The following RBFOX1 variants were observed in gnomAD, a reference collection of about 807,000 sequenced individuals.
RBFOX1 encodes the protein RNA binding protein fox-1 homolog 1.
In RBFOX1, 8 loss-of-function variants were observed where a neutral mutation model predicts 57.7. That is an observed-to-expected ratio of 0.14 (90% confidence interval 0.08 to 0.25). The LOEUF is 0.25. Among genes scored for constraint, RBFOX1 ranks in the 10% least tolerant of loss-of-function variants. The pLI is 1.00. For synonymous variants in RBFOX1, 326 were observed against 222.4 expected (o/e 1.47, Z -4.15); for missense variants, 611 against 548.5 (o/e 1.11, Z -1.14).
At chr16:5,483,268 A>C (rs768755015) in intron 2 of RBFOX1, among the ~76,000 whole-genome samples, 1 of 152,186 alleles carries the variant, frequency 6.6e-6, no homozygotes, top group Non-Finnish European at 1.5e-5. Context: ...GATGGCAGAC[A>C]TGTGGCACGT....
intron 4 of RBFOX1, among the ~76,000 whole-genome samples, chr16:7,190,119 G>C (rs2085003970): frequency 6.6e-6 from 1 of 152,178 alleles, no homozygotes; most frequent in African/African-American, 2.4e-5. Context: ...CCAGAACTTT[G>C]GGAGGCCAAG....
In RBFOX1 at chr16:6,054,760, A is replaced by C. The variant is rs546096500; in HGVS notation, c.-127+34768A>C. 3.3e-5 allele frequency among the ~76,000 whole-genome samples: 5 copies of C among 152,246 alleles called. No individual in the cohort carries two copies. In the South Asian group the frequency reaches 1.0e-3, roughly 32 times the overall value. ...CACATAAGATTCATCGGTGGATGTT[A>C]TGCTATATTGGCTACTTTTTTTATT... On this transcript the variant is annotated intron_variant, in intron 1 of 15. Transcript: ENST00000550418.
At chr16:7,599,820 A>C (rs1400913837) in intron 9 of RBFOX1, among the ~76,000 whole-genome samples, 1 of 148,830 alleles carries the variant, frequency 6.7e-6, no homozygotes. Context: ...TATTTTTTGT[A>C]GAGACGGAGT....
At chr16:6,702,533 GAC>G (rs1004359902) in intron 3 of RBFOX1, among the ~76,000 whole-genome samples, 60 of 147,050 alleles carry the variant, frequency 4.1e-4, no homozygotes, top group African/African-American at 1.5e-3. Context: ...CAGTCTGGGT[GAC>G]AGAGCGAGAG....
intron 3 of RBFOX1, among the ~76,000 whole-genome samples, chr16:6,798,255 C>G (rs114059643): frequency 0.013 from 1,904 of 152,188 alleles, 49 homozygotes; most frequent in African/African-American, 0.043. Context: ...AGAAGAGTTC[C>G]TGGATCCTGT....
Position 6,095,138 on chromosome 16 carries a change from C to T in RBFOX1, c.-127+75146C>T, listed in dbSNP as rs377036410. Among the ~76,000 whole-genome samples the T allele has an allele frequency of 2.6e-5, 4 of 152,288 alleles. No individual in the cohort carries two copies. In the East Asian group the frequency reaches 5.8e-4, roughly 22 times the overall value. ...AGCACCTAATAAGTATGGGCCCATA[C>T]ATATATCATCATCCTCAGCATTACT... On this transcript the variant is annotated intron_variant, in intron 1 of 15. Transcript: ENST00000550418.
intron 3 of RBFOX1, among the ~76,000 whole-genome samples, chr16:5,708,343 C>G (rs1036925598): frequency 6.6e-6 from 1 of 152,166 alleles, no homozygotes; most frequent in Non-Finnish European, 1.5e-5. Flanking sequence ...AGTCCTGCCT[C>G]TCAAATTCAT....
intron 3 of RBFOX1, among the ~76,000 whole-genome samples, chr16:6,835,024 C>A (rs926187919): frequency 1.3e-5 from 2 of 151,734 alleles, no homozygotes. Flanking sequence ...TCCTGAGTAG[C>A]TGGGACTGTA....
intron 1 of RBFOX1, chr16:5,366,008 A>G: frequency 2.0e-6 from 1 of 498,142 alleles, no homozygotes; most frequent in Non-Finnish European, 4.0e-6. Flanking sequence ...AGGCAGTCCA[A>G]TTAAAGTAAC....
intron 4 of RBFOX1, among the ~76,000 whole-genome samples, chr16:7,253,965 C>T (rs982735955): frequency 7.2e-5 from 11 of 152,260 alleles, no homozygotes; most frequent in African/African-American, 2.2e-4. Flanking sequence ...CAGTGTGAGA[C>T]AGCAAAGGAA....
intron 1 of RBFOX1, among the ~76,000 whole-genome samples, chr16:5,244,560 T>A (rs1478025699): frequency 6.6e-6 from 1 of 152,240 alleles, no homozygotes; most frequent in Non-Finnish European, 1.5e-5. Context: ...ACAGCTGGAC[T>A]ACAGAGGCTG....
intron 4 of RBFOX1, among the ~76,000 whole-genome samples, chr16:7,517,915 A>T (rs537853430): frequency 1.7e-4 from 26 of 151,798 alleles, no homozygotes; most frequent in African/African-American, 5.8e-4. Context: ...CTTTATCTTT[A>T]TCTTTCCAAG....
At chr16:6,287,015 T>C (rs985856590) in intron 1 of RBFOX1, among the ~76,000 whole-genome samples, 1 of 152,050 alleles carries the variant, frequency 6.6e-6, no homozygotes, top group Non-Finnish European at 1.5e-5. Flanking sequence ...AGTCTGAAAC[T>C]CAAATGCCTA....
At chr16:7,110,482 C>T (rs186691829) in intron 4 of RBFOX1, among the ~76,000 whole-genome samples, 5 of 152,202 alleles carry the variant, frequency 3.3e-5, no homozygotes, top group Admixed American at 1.3e-4. Context: ...CACAGGGCTC[C>T]GGCTTAAGGA....
chr16:6,202,458 G>C (rs556101347), intron 1 of RBFOX1, among the ~76,000 whole-genome samples: 5 of 152,076 alleles, frequency 3.3e-5, no homozygotes, highest in Admixed American at 6.5e-5. Context: ...CCGAGGCTTG[G>C]AGGGAAAAAA....
At chr16:6,378,618 T>C (rs74007319) in intron 2 of RBFOX1, among the ~76,000 whole-genome samples, 2,707 of 152,232 alleles carry the variant, frequency 0.018, 94 homozygotes, top group African/African-American at 0.061. Flanking sequence ...CTTTGCAATG[T>C]CCACTCCCTA....
intron 1 of RBFOX1, among the ~76,000 whole-genome samples, chr16:6,298,507 T>A (rs60063504): frequency 0.24 from 36,551 of 152,146 alleles, 4,577 homozygotes; most frequent in Non-Finnish European, 0.28. Context: ...AGAGAGTGAC[T>A]GCTGGTAAGC....
At chr16:6,544,832 A>G (rs918082403) in intron 2 of RBFOX1, among the ~76,000 whole-genome samples, 7 of 152,214 alleles carry the variant, frequency 4.6e-5, no homozygotes, top group South Asian at 2.1e-4. Flanking sequence ...ACCCACGACC[A>G]GTGATATTAT....
At chr16:6,117,488 C>G (rs1465018776) in intron 1 of RBFOX1, among the ~76,000 whole-genome samples, 2 of 152,258 alleles carry the variant, frequency 1.3e-5, no homozygotes, top group African/African-American at 4.8e-5. Context: ...TGTGGCCATT[C>G]AGATGCCATT....
Sources: gnomAD v4.1 joint callset for allele counts (sites outside exome capture counted in the v4.1 genomes callset) on GRCh38, gnomAD v4.1.1 for gene constraint, MANE v1.5 for transcripts, NCBI Gene and HGNC (gene_info 2026-07-23, HGNC 2026-07-21) for gene names.